CSGALNACT1: variants seen among roughly 807,000 people sequenced by gnomAD.
CSGALNACT1 encodes beta4GalNAcT-1.
A neutral mutation model predicts 51.0 loss-of-function variants in CSGALNACT1; 52 were observed. The observed-to-expected ratio is 1.02, with a 90% CI of 0.82 to 1.29. The LOEUF (loss-of-function observed/expected upper bound fraction) is 1.29, where lower values mean the gene tolerates loss of function less well. Among genes scored for constraint, CSGALNACT1 ranks in the 50% most tolerant of loss-of-function variants. The pLI is 0.00. For synonymous variants in CSGALNACT1, 341 were observed against 254.4 expected, an observed-to-expected ratio of 1.34 and a Z score of -3.24; for missense variants, 935 against 679.2, an observed-to-expected ratio of 1.38 and a Z score of -4.19.
intron 3 of CSGALNACT1, among the ~76,000 whole-genome samples, chr8:19,582,232 A>C (rs975551724): frequency 6.6e-6 from 1 of 152,238 alleles, no homozygotes; most frequent in African/African-American, 2.4e-5. Flanking sequence ...TGAATGCAGC[A>C]TATTAGAAGA....
chr8:19,579,197 A>G (rs1195060524), intron 3 of CSGALNACT1, among the ~76,000 whole-genome samples: 1 of 152,212 alleles, frequency 6.6e-6, no homozygotes, highest in Non-Finnish European at 1.5e-5. Flanking sequence ...AGCATGGACT[A>G]AAAGGCCCAC....
intron 4 of CSGALNACT1, among the ~76,000 whole-genome samples, chr8:19,500,304 G>C (rs147863455): frequency 1.2e-3 from 180 of 152,184 alleles, no homozygotes; most frequent in African/African-American, 4.1e-3. Context: ...TCCTGCCTGT[G>C]AGTCTCCTCC....
At position 19,555,768 on chromosome 8, in the gene CSGALNACT1, C is replaced by T. The variant is rs2089564394; in HGVS notation, c.-297+35392G>A. Among the ~76,000 whole-genome samples, 5 of 152,260 alleles carry T rather than the reference C, an allele frequency of 3.3e-5. No individual in the cohort carries two copies. The South Asian group carries it at 1.0e-3, about 32-fold the overall frequency. ...GCTTATAAAATGAAATCTATCGTCA[C>T]CTTAATTGCCTGTGCCTAAAAATAT... On this transcript the variant is annotated intron_variant, in intron 3 of 9. Transcript: ENST00000454498.
chr8:19,540,701 T>G (rs989765803), intron 3 of CSGALNACT1, among the ~76,000 whole-genome samples: 2 of 152,212 alleles, frequency 1.3e-5, no homozygotes, highest in African/African-American at 4.8e-5. Flanking sequence ...CAGTGCTATA[T>G]GCTGTGGATT....
At chr8:19,743,869 C>A (rs1191067178) in intron 1 of CSGALNACT1, among the ~76,000 whole-genome samples, 2 of 152,040 alleles carry the variant, frequency 1.3e-5, no homozygotes, top group Non-Finnish European at 2.9e-5. Context: ...GTTTCATAAT[C>A]TTTGTAGCAT....
At chr8:19,552,340 G>C (rs1173201890) in intron 3 of CSGALNACT1, among the ~76,000 whole-genome samples, 1 of 152,116 alleles carries the variant, frequency 6.6e-6, no homozygotes, top group Admixed American at 6.6e-5. Flanking sequence ...CCAGAAGAGG[G>C]TGTAGAGTTT....
intron 4 of CSGALNACT1, among the ~76,000 whole-genome samples, chr8:19,467,401 G>A (rs974557243): frequency 3.9e-5 from 6 of 152,018 alleles, no homozygotes; most frequent in East Asian, 1.9e-4. Context: ...GATTACAGGC[G>A]TGAGCCACCT....
chr8:19,518,387 C>T (rs956328482), intron 3 of CSGALNACT1, among the ~76,000 whole-genome samples: 4 of 152,162 alleles, frequency 2.6e-5, no homozygotes, highest in African/African-American at 4.8e-5. Context: ...GCAACCTGTA[C>T]TGTAAGGACC....
At chr8:19,513,889 G>A (rs2078973844) in intron 3 of CSGALNACT1, among the ~76,000 whole-genome samples, 1 of 152,062 alleles carries the variant, frequency 6.6e-6, no homozygotes, top group Non-Finnish European at 1.5e-5. Flanking sequence ...TCGGTCCACT[G>A]ACAAAATGTT....
At chr8:19,530,012 G>C (rs1038229916) in intron 3 of CSGALNACT1, among the ~76,000 whole-genome samples, 3 of 152,074 alleles carry the variant, frequency 2.0e-5, no homozygotes, top group African/African-American at 7.2e-5. Flanking sequence ...CTGAGCTCAG[G>C]AGTTGGAGTC....
exon 10 of CSGALNACT1, chr8:19,404,268 T>A (rs2053727241): frequency 2.3e-6 from 1 of 443,884 alleles, no homozygotes; most frequent in Non-Finnish European, 4.5e-6. Flanking sequence ...TACAATGCAT[T>A]TTTTAACACA....
chr8:19,560,947 T>A (rs959393027), intron 3 of CSGALNACT1, among the ~76,000 whole-genome samples: 2 of 152,298 alleles, frequency 1.3e-5, no homozygotes, highest in East Asian at 1.9e-4. Flanking sequence ...TACTTCACTA[T>A]ACAGCAGCAA....
At chr8:19,444,427 G>A (rs1361414407) in intron 5 of CSGALNACT1, among the ~76,000 whole-genome samples, 1 of 152,140 alleles carries the variant, frequency 6.6e-6, no homozygotes, top group South Asian at 2.1e-4. Flanking sequence ...TGGATACAGT[G>A]GGCCAACTGC....
rs1300099238 is a variant in CSGALNACT1, at chr8:19,488,363, A to T, written c.634+16838T>A. Among the ~76,000 whole-genome samples, 4 of 83,840 alleles carry T rather than the reference A, an allele frequency of 4.8e-5. No individual in the cohort carries two copies. In the East Asian group the frequency reaches 1.0e-3, roughly 21 times the overall value. 55.0% of individuals were successfully genotyped at this position (83,840 alleles called of 152,430 possible). ...AGACTCCATCTCATTATATATATTT[A>T]TATATACATATATATATATATATAT... On this transcript the variant is annotated intron_variant, in intron 4 of 9. Transcript: ENST00000454498.
chr8:19,559,472 C>T (rs1243125602), intron 3 of CSGALNACT1, among the ~76,000 whole-genome samples: 5 of 152,088 alleles, frequency 3.3e-5, no homozygotes, highest in African/African-American at 1.2e-4. Flanking sequence ...AAATTAAAAC[C>T]TAGCCAGTGT....
At chr8:19,625,313 A>G (rs554263309) in intron 1 of CSGALNACT1, among the ~76,000 whole-genome samples, 2 of 152,370 alleles carry the variant, frequency 1.3e-5, no homozygotes, top group African/African-American at 4.8e-5. Context: ...ACCAAGTTTA[A>G]TGCTACAAAC....
chr8:19,497,777 C>T (rs908465835), intron 4 of CSGALNACT1, among the ~76,000 whole-genome samples: 2 of 152,170 alleles, frequency 1.3e-5, no homozygotes, highest in African/African-American at 4.8e-5. Flanking sequence ...GACCAACCTG[C>T]CTCCCTAATG....
rs533935370 is a variant in CSGALNACT1, at chr8:19,498,311, C to T, written c.634+6890G>A. On this transcript the variant is annotated intron_variant, in intron 4 of 9. Transcript: ENST00000454498. ...CCATACACACATGTTGATTAAGCCT[C>T]GGTGCAGGACCACATCCACAACCGT... Among the ~76,000 whole-genome samples, 173 of 152,278 alleles carry T rather than the reference C, an allele frequency of 1.1e-3. 1 individual carries two copies. The highest frequency in any genetic ancestry group is 3.9e-3 in the African/African-American group (162 of 41,570).
chr8:19,691,952 T>C (rs2154215925), intron 1 of CSGALNACT1, among the ~76,000 whole-genome samples: 2 of 152,278 alleles, frequency 1.3e-5, no homozygotes, highest in Admixed American at 1.3e-4. Flanking sequence ...AGAGGTTTAA[T>C]TGACTTACAG....
Sources: allele counts gnomAD v4.1 joint callset (sites outside exome capture counted in the v4.1 genomes callset), GRCh38; gene constraint gnomAD v4.1.1; transcripts MANE v1.5; gene names NCBI Gene and HGNC (gene_info 2026-07-23, HGNC 2026-07-21).